The following HMBOX1 variants were observed in gnomAD, a reference collection of about 807,000 sequenced individuals.
HMBOX1 encodes homeobox containing 1.
In HMBOX1, 14 loss-of-function variants were observed where a neutral mutation model predicts 54.5. The observed-to-expected ratio is 0.26, with a 90% confidence interval of 0.17 to 0.40. The LOEUF is 0.40. Among genes scored for constraint, HMBOX1 ranks in the 10% least tolerant of loss-of-function variants. HMBOX1 has a pLI of 1.00. For missense variants in HMBOX1, 332 were observed against 514.4 expected (o/e 0.65, Z 3.43); for synonymous variants, 160 against 181.0 (o/e 0.88, Z 0.93).
chr8:29,003,108 AAGT>A (rs1351484591), intron 4 of HMBOX1, among the ~76,000 whole-genome samples: 1 of 150,776 alleles, frequency 6.6e-6, no homozygotes, highest in Non-Finnish European at 1.5e-5. Flanking sequence ...TTTTTTATCT[AAGT>A]AGGAGAGGAG....
intron 1 of HMBOX1, among the ~76,000 whole-genome samples, chr8:28,925,515 T>G (rs17452348): frequency 0.018 from 2,711 of 152,312 alleles, 36 homozygotes; most frequent in Middle Eastern, 0.037. Flanking sequence ...GGGAAAATGT[T>G]TTGAAAGCAC....
intron 4 of HMBOX1, among the ~76,000 whole-genome samples, chr8:28,996,002 A>G (rs1256320846): frequency 3.9e-5 from 6 of 152,088 alleles, no homozygotes; most frequent in African/African-American, 1.4e-4. Context: ...GCTACTTGAA[A>G]GGCTGAGGCA....
Position 29,051,095 on chromosome 8 carries a change from C to T in HMBOX1, c.1203C>T (p.Ile401=). The change falls in exon 10 of 10, where the codon ATC becomes ATT. Residue 401 remains isoleucine (I), a synonymous_variant. Coordinates refer to ENST00000287701, the MANE Select transcript of HMBOX1 (RefSeq NM_001135726.3). Reference sequence around the variant, plus strand: ...AAATGGCAGCAGTCAACCACACTATCTTGGCATTGGCCCGACAAGGAGCCA... The same window carrying T: ...AAATGGCAGCAGTCAACCACACTATTTTGGCATTGGCCCGACAAGGAGCCA... ...AVEMAAVNHT[I]LALARQGANE... is the part of the protein sequence containing the mutation. 1 of 1,613,830 alleles carries T rather than the reference C, an allele frequency of 6.2e-7. No homozygotes were observed. The highest frequency in any genetic ancestry group is 8.5e-7 in the Non-Finnish European group (1 of 1,179,982).
intron 6 of HMBOX1, among the ~76,000 whole-genome samples, chr8:29,042,133 T>C (rs1428871398): frequency 6.6e-6 from 1 of 152,104 alleles, no homozygotes; most frequent in East Asian, 1.9e-4. Flanking sequence ...GCATCCTGAC[T>C]TCGGAGATCA....
intron 1 of HMBOX1, among the ~76,000 whole-genome samples, chr8:28,905,856 C>A (rs150774840): frequency 1.7e-3 from 254 of 152,316 alleles, no homozygotes; most frequent in African/African-American, 5.5e-3. Context: ...TCTTAAACTT[C>A]TTTAAAATAC....
intron 2 of HMBOX1, among the ~76,000 whole-genome samples, chr8:28,969,074 G>T (rs1826944228): frequency 6.6e-6 from 1 of 152,176 alleles, no homozygotes; most frequent in African/African-American, 2.4e-5. Context: ...TCAGGAGGTT[G>T]AGGCAGGAGA....
intron 1 of HMBOX1, among the ~76,000 whole-genome samples, chr8:28,926,106 C>G (rs1350950585): frequency 4.6e-5 from 7 of 151,940 alleles, no homozygotes; most frequent in Non-Finnish European, 1.0e-4. Context: ...TGAGACCAGA[C>G]TGGGCAACAT....
intron 4 of HMBOX1, among the ~76,000 whole-genome samples, chr8:29,003,496 GTATATA>G (rs10572983): frequency 1.4e-3 from 184 of 127,106 alleles, no homozygotes; most frequent in Admixed American, 3.2e-3. Flanking sequence ...GTGTGTGTGT[GTATATA>G]TATATATATA....
chr8:28,913,463 T>C (rs1052939231), intron 1 of HMBOX1, among the ~76,000 whole-genome samples: 1 of 152,180 alleles, frequency 6.6e-6, no homozygotes, highest in Admixed American at 6.5e-5. Context: ...TCCCCACTTC[T>C]CAACCCGGCA....
At chr8:29,049,678 G>A (rs1287476439) in intron 9 of HMBOX1, 6 of 312,820 alleles carry the variant, frequency 1.9e-5, no homozygotes, top group African/African-American at 6.2e-5. Flanking sequence ...TAGCCACTGC[G>A]TGGAGTAATT....
chr8:29,030,918 T>C (rs1257649858), intron 6 of HMBOX1, among the ~76,000 whole-genome samples: 1 of 152,236 alleles, frequency 6.6e-6, no homozygotes, highest in Admixed American at 6.5e-5. Context: ...ATGAAATATC[T>C]TGAGGTTGCT....
chr8:29,005,902 T>C (rs1032974640), intron 4 of HMBOX1, among the ~76,000 whole-genome samples: 2 of 152,188 alleles, frequency 1.3e-5, no homozygotes, highest in African/African-American at 2.4e-5. Flanking sequence ...TGTTTATCCA[T>C]GTGGTTTCAT....
chr8:28,917,215 A>C (rs1311830111), intron 1 of HMBOX1, among the ~76,000 whole-genome samples: 1 of 152,138 alleles, frequency 6.6e-6, no homozygotes, highest in Non-Finnish European at 1.5e-5. Context: ...AACACTGTAT[A>C]TCTCTCCATT....
Position 29,052,341 on chromosome 8 carries a change from C to T in HMBOX1, c.*1186C>T, listed in dbSNP as rs988479005. On this transcript the variant is annotated 3_prime_UTR_variant, in exon 10 of 10. Transcript: ENST00000287701. ...GGACTGCTTTGCTGTTCTCTTTACT[C>T]TGTCCTTGGAGAGGTGTGAAAAGCT... The T allele has an allele frequency of 1.2e-4, 19 of 152,154 alleles. No homozygotes were observed. The highest frequency in any genetic ancestry group is 8.5e-4 in the Admixed American group (13 of 15,276). The allele number at this position is 152,154 out of a possible 1,614,324, so 9.4% of individuals were successfully genotyped here.
intron 1 of HMBOX1, among the ~76,000 whole-genome samples, chr8:28,943,564 G>A (rs1821854889): frequency 6.6e-6 from 1 of 152,170 alleles, no homozygotes; most frequent in African/African-American, 2.4e-5. Flanking sequence ...GGAAAGGAAG[G>A]TCAGAGTGCC....
intron 4 of HMBOX1, among the ~76,000 whole-genome samples, chr8:28,997,298 T>C (rs1051729007): frequency 1.3e-5 from 2 of 152,188 alleles, no homozygotes; most frequent in African/African-American, 4.8e-5. Context: ...GTTTTTTGAG[T>C]ATTTTATATC....
At chr8:28,895,137 A>T (rs559847753) in intron 1 of HMBOX1, among the ~76,000 whole-genome samples, 1 of 152,346 alleles carries the variant, frequency 6.6e-6, no homozygotes, top group African/African-American at 2.4e-5. Flanking sequence ...ACTAAATTCC[A>T]CATGCTGAGT....
At chr8:28,983,234 A>T (rs992921932) in intron 4 of HMBOX1, among the ~76,000 whole-genome samples, 2 of 152,138 alleles carry the variant, frequency 1.3e-5, no homozygotes, top group South Asian at 4.1e-4. Context: ...ATATCTTCTG[A>T]TGATTCTCCA....
chr8:28,958,306 T>C (rs1824835130), intron 1 of HMBOX1, among the ~76,000 whole-genome samples: 2 of 152,210 alleles, frequency 1.3e-5, no homozygotes, highest in South Asian at 4.1e-4. Context: ...TTGAGTTTTC[T>C]AGACATTGTA....
Sources: gnomAD v4.1 joint callset for allele counts (sites outside exome capture counted in the v4.1 genomes callset) on GRCh38, gnomAD v4.1.1 for gene constraint, MANE v1.5 for transcripts, NCBI Gene and HGNC (gene_info 2026-07-23, HGNC 2026-07-21) for gene names.